The following RABEP1 variants were observed in gnomAD, a reference collection of about 807,000 sequenced individuals.
RABEP1 encodes the protein rab GTPase-binding effector protein 1.
In RABEP1, 51 loss-of-function variants were observed where a neutral mutation model predicts 123.4. The ratio of observed to expected loss-of-function variants is 0.41; its 90% CI spans 0.33 to 0.52. The LOEUF is 0.52. RABEP1 is among the 20% of genes least tolerant of loss of function. The probability of loss-of-function intolerance (pLI) is 0.16; values close to 1 mark genes in which losing one functional copy is unlikely to be tolerated. For synonymous variants in RABEP1, 347 were observed against 355.2 expected (o/e 0.98, Z 0.26); for missense variants, 888 against 996.3 (o/e 0.89, Z 1.46).
At chr17:5,339,200 A>G (rs1442860325) in intron 5 of RABEP1, among the ~76,000 whole-genome samples, 4 of 152,210 alleles carry the variant, frequency 2.6e-5, no homozygotes, top group Admixed American at 2.0e-4. Context: ...AAGAAAATAA[A>G]AACAATATGA....
chr17:5,305,475 GT>G (rs1183142498), intron 1 of RABEP1, among the ~76,000 whole-genome samples: 1 of 152,018 alleles, frequency 6.6e-6, no homozygotes, highest in African/African-American at 2.4e-5. Context: ...CTGCATTTTT[GT>G]TTTGTTGATT....
intron 6 of RABEP1, among the ~76,000 whole-genome samples, 191 bp downstream of exon 6, chr17:5,347,116 A>G (rs1358976382): frequency 1.3e-5 from 2 of 152,098 alleles, no homozygotes; most frequent in African/African-American, 4.8e-5. Context: ...CTCAGTAATA[A>G]CTTCACAAGG....
intron 1 of RABEP1, 73 bp from the exon 2 acceptor site, chr17:5,308,621 G>C: frequency 7.2e-7 from 1 of 1,379,788 alleles, no homozygotes; most frequent in Non-Finnish European, 9.9e-7. Flanking sequence ...TGTACAGCTA[G>C]AATACTAATT....
chr17:5,368,519 T>C (rs762316354), intron 12 of RABEP1, 51 bp downstream of exon 12: 13 of 1,337,574 alleles, frequency 9.7e-6, no homozygotes, highest in Non-Finnish European at 1.4e-5. Flanking sequence ...ATATTCCTTT[T>C]TTGTTCTATC....
At position 5,385,375 on chromosome 17, in the gene RABEP1, C is replaced by G. The variant is rs893330541; in HGVS notation, c.*2152C>G. 5 of 230,548 alleles carry G rather than the reference C, an allele frequency of 2.2e-5. No individual in the cohort carries two copies. Among genetic ancestry groups the G allele is most frequent in the Non-Finnish European group, 1.7e-5 (2 of 116,466 alleles). The allele number at this position is 230,548 out of a possible 1,614,324, so 14.3% of individuals were successfully genotyped here. On this transcript the variant is annotated 3_prime_UTR_variant, in exon 18 of 18. Transcript: ENST00000537505. ...TATATTCAGTCTGTGCCTACATGTT[C>G]TCATGCATGTCTAACCTGATTTACC... is the stretch of plus-strand genomic sequence containing the variant.
At chr17:5,286,730 A>G (rs957189648) in intron 1 of RABEP1, among the ~76,000 whole-genome samples, 6 of 152,240 alleles carry the variant, frequency 3.9e-5, no homozygotes, top group Admixed American at 6.5e-5. Context: ...TTTGGAATAC[A>G]TCAGTAGGCA....
chr17:5,333,595 A>G lies in RABEP1; in HGVS notation c.367+1443A>G, dbSNP rs183501328. On this transcript the variant is annotated intron_variant, in intron 3 of 17. Coordinates refer to ENST00000537505, the MANE Select transcript of RABEP1 (RefSeq NM_004703.6). ...TAGCCCTATTTCTGAGTGTATAGCT[A>G]TGGCCTAGAGATTACTCTAGGCTTC... Among the ~76,000 whole-genome samples, 9 of 152,268 alleles carry G rather than the reference A, an allele frequency of 5.9e-5. No homozygotes were observed. In the East Asian group the frequency reaches 1.2e-3, roughly 20 times the overall value.
At chr17:5,357,950 G>A (rs1257783020) in intron 8 of RABEP1, among the ~76,000 whole-genome samples, 4 of 152,116 alleles carry the variant, frequency 2.6e-5, no homozygotes, top group South Asian at 2.1e-4. Context: ...CAGCCTTTGG[G>A]GTATAGGGTC....
intron 3 of RABEP1, among the ~76,000 whole-genome samples, chr17:5,333,062 G>T (rs1033935668): frequency 1.3e-5 from 2 of 152,148 alleles, no homozygotes; most frequent in African/African-American, 2.4e-5. Flanking sequence ...ACTCCTTTTG[G>T]CACTAGTGCT....
At chr17:5,324,839 A>C (rs561347009) in intron 2 of RABEP1, among the ~76,000 whole-genome samples, 3 of 152,336 alleles carry the variant, frequency 2.0e-5, no homozygotes, top group Non-Finnish European at 4.4e-5. Context: ...GCAAAACTAC[A>C]ATGGGATATC....
intron 2 of RABEP1, among the ~76,000 whole-genome samples, chr17:5,329,533 A>G (rs1441883497): frequency 6.6e-6 from 1 of 152,226 alleles, no homozygotes; most frequent in African/African-American, 2.4e-5. Flanking sequence ...CTCCGTCTCA[A>G]AAAAATAAAT....
intron 1 of RABEP1, among the ~76,000 whole-genome samples, chr17:5,299,677 C>T (rs530560412): frequency 6.7e-6 from 1 of 149,360 alleles, no homozygotes; most frequent in Non-Finnish European, 1.5e-5. Flanking sequence ...CAGGGCTATT[C>T]AAGCTGCTCT....
intron 1 of RABEP1, among the ~76,000 whole-genome samples, chr17:5,292,380 A>C (rs1446393420): frequency 2.0e-5 from 3 of 150,798 alleles, no homozygotes; most frequent in Admixed American, 6.6e-5. Flanking sequence ...TTTCTTATTA[A>C]ATTTTTAGTT....
intron 2 of RABEP1, among the ~76,000 whole-genome samples, chr17:5,313,899 A>G (rs964754989): frequency 2.6e-5 from 4 of 152,228 alleles, no homozygotes; most frequent in African/African-American, 7.2e-5. Flanking sequence ...ATCATAATAA[A>G]AATCAAATGT....
At position 5,381,463 on chromosome 17, in the gene RABEP1, G is replaced by C; in HGVS notation, c.2445G>C (p.Glu815Asp). 6.2e-7 allele frequency: 1 copy of C among 1,613,724 alleles called. No homozygotes were observed. The highest frequency in any genetic ancestry group is 8.5e-7 in the Non-Finnish European group (1 of 1,179,772). Residue 815 changes from glutamate (E) to aspartate (D), a missense_variant, in exon 17 of 18, where the codon GAG becomes GAC. Glu to Asp is a conservative substitution (Grantham distance 45, BLOSUM62 2). Transcript: ENST00000537505. ...QRLQTELDVS[E>D]QVQRDFVKLS... ...TACAGACAGAATTAGATGTCAGTGA[G>C]CAAGTCCAGAGGGATTTTGTAAAGC...
chr17:5,299,753 CAG>C (rs1242353842), intron 1 of RABEP1, among the ~76,000 whole-genome samples: 46 of 79,740 alleles, frequency 5.8e-4, no homozygotes, highest in African/African-American at 2.1e-3. Context: ...TTTTTGGAGG[CAG>C]AGTCTCTCCT....
intron 8 of RABEP1, chr17:5,356,691 C>T (rs1444132249): frequency 1.3e-5 from 2 of 151,648 alleles, no homozygotes; most frequent in East Asian, 3.8e-4. Context: ...CTCACTCTCA[C>T]CCAGGCTGGA....
chr17:5,357,738 A>G (rs971265454), intron 8 of RABEP1, among the ~76,000 whole-genome samples: 5 of 152,132 alleles, frequency 3.3e-5, no homozygotes, highest in African/African-American at 9.7e-5. Flanking sequence ...CCCTGAAAAA[A>G]GTTTTGTGTT....
intron 9 of RABEP1, among the ~76,000 whole-genome samples, chr17:5,362,576 GCA>G (rs890296801): frequency 6.6e-6 from 1 of 152,172 alleles, no homozygotes; most frequent in African/African-American, 2.4e-5. Flanking sequence ...CGGTGACTTG[GCA>G]CTGTTTTTAT....
Sources: allele counts gnomAD v4.1 joint callset (sites outside exome capture counted in the v4.1 genomes callset), GRCh38; gene constraint gnomAD v4.1.1; transcripts MANE v1.5; gene names NCBI Gene and HGNC (gene_info 2026-07-23, HGNC 2026-07-21).